CDH12: variants seen among roughly 807,000 people sequenced by gnomAD.
CDH12 encodes the protein cadherin-12.
In CDH12, 41 loss-of-function variants were observed where a neutral mutation model predicts 74.1. The observed-to-expected ratio is 0.55, with a 90% CI of 0.43 to 0.72. CDH12 has a LOEUF of 0.72. Among genes scored for constraint, CDH12 ranks in the 30% least tolerant of loss-of-function variants. The pLI, the probability that CDH12 is intolerant of heterozygous loss-of-function variation, is 0.00. For missense variants in CDH12, 945 were observed against 977.2 expected, an observed-to-expected ratio of 0.97 and a Z score of 0.44; for synonymous variants, 399 against 355.0, an observed-to-expected ratio of 1.12 and a Z score of -1.39.
intron 1 of CDH12, among the ~76,000 whole-genome samples, chr5:22,553,317 A>C (rs145980359): frequency 1.7e-3 from 263 of 152,304 alleles, no homozygotes; most frequent in African/African-American, 6.1e-3. Flanking sequence ...TTTTATCATC[A>C]TCTGAAAATT....
chr5:22,285,131 G>A (rs953642753), intron 3 of CDH12, among the ~76,000 whole-genome samples: 2 of 152,084 alleles, frequency 1.3e-5, no homozygotes, highest in African/African-American at 4.8e-5. Context: ...ACTCAAAGTG[G>A]GATAGGGAGT....
chr5:21,843,164 A>T (rs1749964815), intron 7 of CDH12, among the ~76,000 whole-genome samples: 1 of 152,184 alleles, frequency 6.6e-6, no homozygotes, highest in Non-Finnish European at 1.5e-5. Context: ...ACCAAATTCC[A>T]ATCTTTAGTC....
At chr5:22,483,274 T>C (rs1224903798) in intron 2 of CDH12, among the ~76,000 whole-genome samples, 1 of 152,148 alleles carries the variant, frequency 6.6e-6, no homozygotes, top group Non-Finnish European at 1.5e-5. Flanking sequence ...TCTCAAGTTT[T>C]TAAAAATCTA....
At chr5:22,071,104 G>T (rs1217136438) in intron 5 of CDH12, among the ~76,000 whole-genome samples, 5 of 151,672 alleles carry the variant, frequency 3.3e-5, no homozygotes, top group African/African-American at 1.2e-4. Flanking sequence ...AAACATGCAG[G>T]TCCTGCACAT....
rs576495493 is a variant in CDH12, at chr5:22,458,100, G to A, written c.-428+47170C>T. On this transcript the variant is annotated intron_variant, in intron 2 of 14. Transcript: ENST00000382254. ...TCACCATATTGGCCAGTCTGGTCTCGAACTGCTGACCTTAAATCATCCACC... is the reference window on the plus strand; with the variant it reads ...TCACCATATTGGCCAGTCTGGTCTCAAACTGCTGACCTTAAATCATCCACC... Among the ~76,000 whole-genome samples the A allele has an allele frequency of 5.9e-5, 9 of 152,034 alleles. No individual in the cohort carries two copies. The South Asian group carries it at 1.2e-3, about 21-fold the overall frequency.
chr5:22,091,788 C>T (rs1288985824), intron 4 of CDH12, among the ~76,000 whole-genome samples: 1 of 151,860 alleles, frequency 6.6e-6, no homozygotes, highest in Non-Finnish European at 1.5e-5. Flanking sequence ...AGAACTCACA[C>T]TTTTCACTTT....
intron 1 of CDH12, among the ~76,000 whole-genome samples, chr5:22,599,162 C>G (rs1736734735): frequency 6.6e-6 from 1 of 152,160 alleles, no homozygotes; most frequent in Non-Finnish European, 1.5e-5. Flanking sequence ...GGTTCAGCAT[C>G]TCTGAACATG....
chr5:22,620,023 T>G (rs529067768), intron 1 of CDH12, among the ~76,000 whole-genome samples: 1 of 152,246 alleles, frequency 6.6e-6, no homozygotes, highest in Non-Finnish European at 1.5e-5. Context: ...ATTATCATTT[T>G]ACCTCCAATG....
At chr5:22,050,996 A>C (rs1165073104) in intron 5 of CDH12, among the ~76,000 whole-genome samples, 1 of 152,156 alleles carries the variant, frequency 6.6e-6, no homozygotes, top group Admixed American at 6.6e-5. Flanking sequence ...GTAGATTCCC[A>C]CATCCTATGG....
intron 1 of CDH12, among the ~76,000 whole-genome samples, chr5:22,705,257 G>A (rs78209393): frequency 0.024 from 3,656 of 151,672 alleles, 140 homozygotes; most frequent in African/African-American, 0.084. Context: ...GAGATGCAGA[G>A]AGCTTACATT....
rs1021628292 is a variant in CDH12 at position 22,426,266 on chromosome 5, C to G, written c.-427-20915G>C. Among the ~76,000 whole-genome samples the G allele has an allele frequency of 1.3e-4, 19 of 149,334 alleles. No homozygotes were observed. The South Asian group carries it at 2.5e-3, about 20-fold the overall frequency. On this transcript the variant is annotated intron_variant, in intron 2 of 14. Coordinates refer to ENST00000382254, the MANE Select transcript of CDH12 (RefSeq NM_004061.5). ...TGTCTTATTTAATTTTGTTCCACAA[C>G]TGTTCCAATCTATTTTATTTTTTAT...
At position 22,087,979 on chromosome 5, in the gene CDH12, C is replaced by T. The variant is rs183481280; in HGVS notation, c.-186-9117G>A. On this transcript the variant is annotated intron_variant, in intron 4 of 14. Transcript: ENST00000382254. Reference sequence around the variant, plus strand: ...GTAATACCATCAAAATTGTCTGAAGCCACTTAGACTCTATCATACCCCTGT... The same window carrying T: ...GTAATACCATCAAAATTGTCTGAAGTCACTTAGACTCTATCATACCCCTGT... Among the ~76,000 whole-genome samples the T allele has an allele frequency of 4.9e-3, 752 of 152,198 alleles. 2 individuals carry two copies. The highest frequency in any genetic ancestry group is 6.4e-3 in the Non-Finnish European group (436 of 68,018).
At chr5:22,758,613 A>C (rs1746054374) in intron 1 of CDH12, among the ~76,000 whole-genome samples, 1 of 152,094 alleles carries the variant, frequency 6.6e-6, no homozygotes, top group South Asian at 2.1e-4. Flanking sequence ...TTCTCTTATA[A>C]GGCAGTTTTA....
At chr5:22,311,755 T>C (rs1364722773) in intron 3 of CDH12, among the ~76,000 whole-genome samples, 1 of 148,852 alleles carries the variant, frequency 6.7e-6, no homozygotes, top group African/African-American at 2.5e-5. Context: ...ATGGTTGTGG[T>C]GTGGTGGTCT....
At chr5:22,602,327 T>A (rs1009724148) in intron 1 of CDH12, among the ~76,000 whole-genome samples, 49 of 152,260 alleles carry the variant, frequency 3.2e-4, no homozygotes, top group Non-Finnish European at 1.6e-4. Context: ...TTCTATTGAG[T>A]TTAACCACGT....
intron 6 of CDH12, among the ~76,000 whole-genome samples, chr5:21,931,988 GT>G (rs1189145384): frequency 3.3e-5 from 5 of 152,122 alleles, no homozygotes; most frequent in Non-Finnish European, 5.9e-5. Context: ...ACAAACACAG[GT>G]TTTTTAATCT....
chr5:21,968,296 A>C (rs1267825624), intron 6 of CDH12, among the ~76,000 whole-genome samples: 1 of 152,210 alleles, frequency 6.6e-6, no homozygotes, highest in Non-Finnish European at 1.5e-5. Flanking sequence ...TGCTACTTGC[A>C]ATAACCCTCT....
intron 2 of CDH12, among the ~76,000 whole-genome samples, chr5:22,442,280 T>C (rs1744658035): frequency 6.6e-6 from 1 of 152,164 alleles, no homozygotes; most frequent in African/African-American, 2.4e-5. Context: ...CTCCTAAGAA[T>C]ATAAAAATGA....
intron 1 of CDH12, among the ~76,000 whole-genome samples, chr5:22,774,153 C>A (rs758429763): frequency 4.7e-4 from 72 of 152,016 alleles, no homozygotes; most frequent in Admixed American, 1.1e-3. Context: ...GATGTATGTT[C>A]ATTGTTATAT....
Sources: allele counts gnomAD v4.1 joint callset (sites outside exome capture counted in the v4.1 genomes callset), GRCh38; gene constraint gnomAD v4.1.1; transcripts MANE v1.5; gene names NCBI Gene and HGNC (gene_info 2026-07-23, HGNC 2026-07-21).